The following HIVEP3 variants were observed in gnomAD, a reference collection of about 807,000 sequenced individuals.
The protein encoded by HIVEP3 is HIVEP zinc finger 3, also known as transcription factor HIVEP3.
Under a neutral mutation model 152.8 loss-of-function variants are expected in HIVEP3, and 49 were observed. The ratio of observed to expected loss-of-function variants is 0.32; its 90% CI spans 0.26 to 0.41. The LOEUF is 0.41. Ranked by LOEUF, HIVEP3 falls within the 10% of genes least tolerant of loss-of-function variation. HIVEP3 has a pLI of 1.00. For synonymous variants in HIVEP3, 1,269 were observed against 1,289.0 expected (o/e 0.98, Z 0.33); for missense variants, 2,790 against 3,103.3 (o/e 0.90, Z 2.40).
intron 1 of HIVEP3, among the ~76,000 whole-genome samples, chr1:41,896,553 A>G (rs1201159664): frequency 6.6e-6 from 1 of 150,840 alleles, no homozygotes; most frequent in African/African-American, 2.4e-5. Context: ...CCACTCAAAA[A>G]GGCATGCTTT....
At chr1:41,734,344 C>G (rs1432959939) in intron 1 of HIVEP3, among the ~76,000 whole-genome samples, 2 of 152,226 alleles carry the variant, frequency 1.3e-5, no homozygotes, top group African/African-American at 2.4e-5. Context: ...AACTAAAGAA[C>G]CAGCTGGCAC....
At chr1:41,855,446 T>G (rs919757784) in intron 1 of HIVEP3, among the ~76,000 whole-genome samples, 5 of 152,202 alleles carry the variant, frequency 3.3e-5, no homozygotes, top group South Asian at 2.1e-4. Flanking sequence ...TTTCGCAACC[T>G]ACTCATCTGA....
At chr1:41,917,596 C>T (rs566888263) in intron 1 of HIVEP3, among the ~76,000 whole-genome samples, 9 of 152,208 alleles carry the variant, frequency 5.9e-5, no homozygotes, top group Non-Finnish European at 1.3e-4. Flanking sequence ...CCAAGTTCCT[C>T]TGCACCACTG....
intron 1 of HIVEP3, among the ~76,000 whole-genome samples, chr1:41,851,848 G>A (rs1342546150): frequency 1.3e-5 from 2 of 152,182 alleles, no homozygotes; most frequent in Non-Finnish European, 2.9e-5. Flanking sequence ...GGTGAGTCAG[G>A]TCTTCCTGGA....
intron 1 of HIVEP3, among the ~76,000 whole-genome samples, chr1:41,851,289 C>CTTTTTTTTTTT (rs34180186): frequency 4.0e-4 from 24 of 59,806 alleles, no homozygotes; most frequent in Middle Eastern, 0.016. Context: ...TCTTCTTCTT[C>CTTTTTTTTTTT]TTTTTTTTTT....
intron 2 of HIVEP3, among the ~76,000 whole-genome samples, chr1:41,699,323 C>T (rs1646325367): frequency 6.6e-6 from 1 of 152,188 alleles, no homozygotes; most frequent in Non-Finnish European, 1.5e-5. Context: ...GCAAGGCTCT[C>T]TTTGGCCCCA....
At chr1:41,645,548 A>G (rs1558144151) in intron 2 of HIVEP3, among the ~76,000 whole-genome samples, 2 of 152,186 alleles carry the variant, frequency 1.3e-5, no homozygotes, top group Non-Finnish European at 2.9e-5. Flanking sequence ...TTCACAACCT[A>G]TGGCTTCTGG....
intron 1 of HIVEP3, among the ~76,000 whole-genome samples, chr1:41,806,028 A>G (rs1409946233): frequency 1.3e-5 from 2 of 152,190 alleles, no homozygotes; most frequent in African/African-American, 4.8e-5. Flanking sequence ...TCACAATGGT[A>G]GAAGCAGTAC....
chr1:41,674,367 A>T (rs1645922419), intron 2 of HIVEP3, among the ~76,000 whole-genome samples: 1 of 152,248 alleles, frequency 6.6e-6, no homozygotes, highest in Non-Finnish European at 1.5e-5. Flanking sequence ...GAATGTATTC[A>T]TTCTGGCGAT....
chr1:41,914,909 G>A (rs1268150333), intron 1 of HIVEP3, among the ~76,000 whole-genome samples: 1 of 152,150 alleles, frequency 6.6e-6, no homozygotes, highest in Non-Finnish European at 1.5e-5. Context: ...GACAGGTTGA[G>A]GTTCATGAAT....
intron 1 of HIVEP3, among the ~76,000 whole-genome samples, chr1:41,779,858 T>C (rs1648936679): frequency 6.6e-6 from 1 of 152,076 alleles, no homozygotes. Flanking sequence ...GGGGAGAAAG[T>C]GGAAAGGGCA....
chr1:41,846,531 CA>C (rs2124376273), intron 1 of HIVEP3, among the ~76,000 whole-genome samples: 1 of 152,334 alleles, frequency 6.6e-6, no homozygotes, highest in East Asian at 1.9e-4. Flanking sequence ...ACAAGCAAGC[CA>C]GGCTCATAGC....
chr1:42,030,452 A>G (rs1375034995), intron 1 of HIVEP3, among the ~76,000 whole-genome samples: 1 of 152,174 alleles, frequency 6.6e-6, no homozygotes, highest in Admixed American at 6.5e-5. Context: ...AGAACTCTCC[A>G]CAACTGATAC....
intron 2 of HIVEP3, among the ~76,000 whole-genome samples, chr1:41,658,298 C>T (rs1055493925): frequency 2.0e-5 from 3 of 152,108 alleles, no homozygotes; most frequent in African/African-American, 7.2e-5. Flanking sequence ...TCCCAAACAG[C>T]GTGATGTTTA....
At chr1:41,532,566 T>A (rs1214617439) in intron 5 of HIVEP3, among the ~76,000 whole-genome samples, 1 of 152,024 alleles carries the variant, frequency 6.6e-6, no homozygotes, top group Non-Finnish European at 1.5e-5. Flanking sequence ...AGAGAATGAA[T>A]CCAGGCCCAG....
chr1:41,822,550 A>G lies in HIVEP3; in HGVS notation c.-801+95863T>C, dbSNP rs565657406. Among the ~76,000 whole-genome samples, 31 of 152,356 alleles carry G rather than the reference A, an allele frequency of 2.0e-4. 2 individuals carry two copies. Among genetic ancestry groups the G allele is most frequent in the Admixed American group, 1.7e-3 (26 of 15,302 alleles). On this transcript the variant is annotated intron_variant, in intron 1 of 8. Coordinates refer to ENST00000372583, the MANE Select transcript of HIVEP3 (RefSeq NM_024503.5). ...TCCTTTTCACAGGGATGAAGAAAGA[A>G]TAAGAGTGGTTAGAGGTTCTTCTGG... is the stretch of plus-strand genomic sequence containing the variant.
At chr1:41,762,958 T>A (rs1647789428) in intron 1 of HIVEP3, among the ~76,000 whole-genome samples, 1 of 152,206 alleles carries the variant, frequency 6.6e-6, no homozygotes. Flanking sequence ...TAATTTCACA[T>A]GTGCAGCCAG....
chr1:41,951,452 C>T (rs1419075117), intron 1 of HIVEP3, among the ~76,000 whole-genome samples: 1 of 152,026 alleles, frequency 6.6e-6, no homozygotes, highest in Admixed American at 6.5e-5. Context: ...TTCTGGTGTG[C>T]TGAAATTGGG....
intron 1 of HIVEP3, among the ~76,000 whole-genome samples, chr1:41,844,064 G>C (rs1452465522): frequency 6.6e-6 from 1 of 152,072 alleles, no homozygotes; most frequent in African/African-American, 2.4e-5. Context: ...TCCTCTCATT[G>C]CCTGCTTCAC....
Sources: allele counts gnomAD v4.1 joint callset (sites outside exome capture counted in the v4.1 genomes callset), GRCh38; gene constraint gnomAD v4.1.1; transcripts MANE v1.5; gene names NCBI Gene and HGNC (gene_info 2026-07-23, HGNC 2026-07-21).